NR3C2: variants seen among roughly 807,000 people sequenced by gnomAD.
The protein encoded by NR3C2 is nuclear receptor subfamily 3 group C member 2, also known as mineralocorticoid receptor.
NR3C2 carries 15 observed loss-of-function variants against 86.4 expected under a neutral mutation model. The ratio of observed to expected loss-of-function variants is 0.17; its 90% CI spans 0.12 to 0.27. The LOEUF (loss-of-function observed/expected upper bound fraction) is 0.27. NR3C2 is among the 10% of genes least tolerant of loss of function. The pLI is 1.00. For missense variants in NR3C2, 960 were observed against 1,195.6 expected (o/e 0.80, Z 2.91); for synonymous variants, 458 against 450.5 (o/e 1.02, Z -0.21).
chr4:148,105,839 A>G (rs995838152), intron 8 of NR3C2, among the ~76,000 whole-genome samples: 2 of 152,228 alleles, frequency 1.3e-5, no homozygotes, highest in Admixed American at 1.3e-4. Context: ...CCTTCATGTT[A>G]AAAACTCTCA....
rs907339236 is a variant in NR3C2 at position 148,080,798 on chromosome 4, G to A, written c.*546C>T. ...GTGATGCAGAAGACCGTGGACGAGC[G>A]AGGGCTCAGAGGCAGCTGCTGCCCC... On this transcript the variant is annotated 3_prime_UTR_variant, in exon 9 of 9. Coordinates refer to ENST00000358102, the MANE Select transcript of NR3C2 (RefSeq NM_000901.5). 16 of 423,806 alleles carry A rather than the reference G, an allele frequency of 3.8e-5. No individual in the cohort carries two copies. Among genetic ancestry groups the A allele is most frequent in the African/African-American group, 2.2e-4 (11 of 49,516 alleles). 26.3% of individuals were successfully genotyped at this position (423,806 alleles called of 1,614,324 possible).
chr4:148,122,801 G>A (rs1732569198), intron 6 of NR3C2, among the ~76,000 whole-genome samples: 1 of 152,196 alleles, frequency 6.6e-6, no homozygotes, highest in Non-Finnish European at 1.5e-5. Flanking sequence ...TTTGTAAGCT[G>A]AGGATGTATG....
Position 148,260,019 on chromosome 4 carries a change from G to T in NR3C2, c.1856C>A (p.Thr619Asn). ...GAAGAAAACTTTGCAGCTGCCACAG[G>T]TGACTACCCCATAATGGCATCCTGA... Reference protein sequence around the residue: ...EASGCHYGVVTCGSCKVFFKR... With the variant: ...EASGCHYGVVNCGSCKVFFKR... Residue 619 changes from threonine to asparagine, a missense_variant, in exon 3 of 9, where the codon ACC becomes AAC. This residue lies in a region of NR3C2 where 47 missense variants were observed against 107.3 expected (regional missense o/e 0.44). Transcript: ENST00000358102. The T allele has an allele frequency of 6.2e-7, 1 of 1,614,102 alleles. No individual in the cohort carries two copies. Among genetic ancestry groups the T allele is most frequent in the Non-Finnish European group, 8.5e-7 (1 of 1,180,026 alleles).
intron 3 of NR3C2, among the ~76,000 whole-genome samples, chr4:148,197,597 C>T (rs1370007334): frequency 2.6e-5 from 4 of 151,840 alleles, no homozygotes; most frequent in Non-Finnish European, 4.4e-5. Context: ...TATGGGTGTT[C>T]AAAAACAGAG....
intron 2 of NR3C2, among the ~76,000 whole-genome samples, chr4:148,278,637 C>G (rs181294008): frequency 1.3e-5 from 2 of 152,198 alleles, no homozygotes; most frequent in African/African-American, 4.8e-5. Context: ...GGTTCTTCTC[C>G]CCTACCACAC....
At chr4:148,173,664 CT>C (rs1234799028) in intron 4 of NR3C2, among the ~76,000 whole-genome samples, 1 of 152,206 alleles carries the variant, frequency 6.6e-6, no homozygotes, top group Non-Finnish European at 1.5e-5. Context: ...AGCCAATAAG[CT>C]TATGGTAAAT....
chr4:148,102,969 G>A (rs565888623), intron 8 of NR3C2, among the ~76,000 whole-genome samples: 12 of 152,246 alleles, frequency 7.9e-5, no homozygotes, highest in South Asian at 2.1e-4. Context: ...CCTGGCTTAC[G>A]GATTCCATCA....
At chr4:148,134,401 T>C (rs544959298) in intron 6 of NR3C2, among the ~76,000 whole-genome samples, 7 of 152,202 alleles carry the variant, frequency 4.6e-5, no homozygotes, top group Non-Finnish European at 8.8e-5. Flanking sequence ...TCTTATCCTT[T>C]TAATCCACTT....
At position 148,115,382 on chromosome 4, in the gene NR3C2, C is replaced by T. The variant is rs546021770; in HGVS notation, c.2642-1121G>A. 6.6e-5 allele frequency among the ~76,000 whole-genome samples: 10 copies of T among 152,230 alleles called. No individual in the cohort carries two copies. The East Asian group carries it at 1.7e-3, about 26-fold the overall frequency. On this transcript the variant is annotated intron_variant, in intron 7 of 8. Transcript: ENST00000358102. ...TTATAGCCAATAGTTATGTTTATGC[C>T]TTAACACTGAATAAGAAAATCAACT...
At chr4:148,170,557 G>C (rs954159433) in intron 4 of NR3C2, among the ~76,000 whole-genome samples, 17 of 152,068 alleles carry the variant, frequency 1.1e-4, no homozygotes, top group South Asian at 2.1e-4. Flanking sequence ...AATAGGCCTA[G>C]GCCTGAAACT....
chr4:148,187,088 A>G (rs1735963151), intron 4 of NR3C2, among the ~76,000 whole-genome samples: 1 of 147,106 alleles, frequency 6.8e-6, no homozygotes, highest in Non-Finnish European at 1.5e-5. Context: ...ATATGTATAT[A>G]TCACAGTTTC....
intron 2 of NR3C2, among the ~76,000 whole-genome samples, chr4:148,289,824 A>G (rs147843989): frequency 2.0e-3 from 297 of 152,202 alleles, no homozygotes; most frequent in Non-Finnish European, 2.8e-3. Context: ...ATGCGAGGGA[A>G]CATGTCACAT....
At chr4:148,228,840 G>A (rs1467048028) in intron 3 of NR3C2, among the ~76,000 whole-genome samples, 2 of 152,086 alleles carry the variant, frequency 1.3e-5, no homozygotes. Flanking sequence ...TATAATAAAG[G>A]TGTTCAGAAA....
At chr4:148,148,000 C>T (rs561586144) in intron 6 of NR3C2, among the ~76,000 whole-genome samples, 26 of 152,310 alleles carry the variant, frequency 1.7e-4, no homozygotes, top group African/African-American at 4.8e-4. Flanking sequence ...ACCTCCAAAA[C>T]GAGTTCAACA....
At chr4:148,288,210 G>A (rs1288230638) in intron 2 of NR3C2, among the ~76,000 whole-genome samples, 2 of 152,128 alleles carry the variant, frequency 1.3e-5, no homozygotes, top group Admixed American at 6.6e-5. Flanking sequence ...CTCTAGCTCC[G>A]TGTCTTTCTT....
chr4:148,275,020 G>A (rs1300171097), intron 2 of NR3C2, among the ~76,000 whole-genome samples: 1 of 152,042 alleles, frequency 6.6e-6, no homozygotes, highest in East Asian at 1.9e-4. Context: ...TTATAACAGT[G>A]TGAAAACGGA....
intron 3 of NR3C2, among the ~76,000 whole-genome samples, chr4:148,237,183 A>G (rs565549018): frequency 6.6e-6 from 1 of 152,310 alleles, no homozygotes; most frequent in East Asian, 1.9e-4. Flanking sequence ...TGGGGGAAAA[A>G]ATCAAATTCT....
intron 2 of NR3C2, among the ~76,000 whole-genome samples, chr4:148,430,993 T>C (rs1749775907): frequency 6.6e-6 from 1 of 152,174 alleles, no homozygotes; most frequent in Non-Finnish European, 1.5e-5. Context: ...ATAGTAAACT[T>C]TACATTTAAA....
chr4:148,105,931 G>C (rs1244228015), intron 8 of NR3C2, among the ~76,000 whole-genome samples: 3 of 152,100 alleles, frequency 2.0e-5, no homozygotes, highest in African/African-American at 7.2e-5. Context: ...ATACTGAATG[G>C]GCAAAAGCTG....
Sources: gnomAD v4.1 joint callset for allele counts (sites outside exome capture counted in the v4.1 genomes callset) on GRCh38, gnomAD v4.1.1 for gene constraint, gnomAD v4.1.1 regional missense constraint, MANE v1.5 for transcripts, NCBI Gene and HGNC (gene_info 2026-07-23, HGNC 2026-07-21) for gene names.